The following CIB4 variants were observed in gnomAD, a reference collection of about 807,000 sequenced individuals.
The protein encoded by CIB4 is calcium and integrin-binding family member 4.
A neutral mutation model predicts 25.8 loss-of-function variants in CIB4; 25 were observed. The observed-to-expected ratio is 0.97, with a 90% confidence interval of 0.71 to 1.35. CIB4 has a LOEUF of 1.35. Among genes scored for constraint, CIB4 ranks in the 40% most tolerant of loss-of-function variants. CIB4 has a pLI of 0.00. For missense variants in CIB4, 235 were observed against 228.2 expected, an observed-to-expected ratio of 1.03 and a Z score of -0.19; for synonymous variants, 75 against 81.4, an observed-to-expected ratio of 0.92 and a Z score of 0.42.
intron 3 of CIB4, among the ~76,000 whole-genome samples, chr2:26,606,181 C>A (rs1368766623): frequency 2.6e-5 from 4 of 152,200 alleles, no homozygotes; most frequent in African/African-American, 9.7e-5. Context: ...GTCCTGGGGC[C>A]CCCCAAAATG....
intron 4 of CIB4, among the ~76,000 whole-genome samples, chr2:26,591,109 G>A (rs1475442915): frequency 6.6e-6 from 1 of 152,242 alleles, no homozygotes; most frequent in African/African-American, 2.4e-5. Context: ...GGAGGCAGAC[G>A]TCTTTTGTGG....
At chr2:26,583,749 C>T (rs758447437) in intron 5 of CIB4, 40 bp downstream of exon 5, 2 of 1,372,534 alleles carry the variant, frequency 1.5e-6, no homozygotes, top group Non-Finnish European at 2.1e-6. Context: ...TGGCCCCTAT[C>T]CCCGGCCCCA....
chr2:26,605,763 G>T (rs1331224296), intron 3 of CIB4, among the ~76,000 whole-genome samples: 1 of 152,018 alleles, frequency 6.6e-6, no homozygotes, highest in Non-Finnish European at 1.5e-5. Flanking sequence ...GCAAATGCAG[G>T]GTCGATATTA....
intron 2 of CIB4, among the ~76,000 whole-genome samples, chr2:26,630,022 G>A (rs1182156801): frequency 2.6e-5 from 4 of 152,210 alleles, no homozygotes; most frequent in Non-Finnish European, 5.9e-5. Flanking sequence ...CAAACCACCA[G>A]CCTTGCTAGG....
chr2:26,634,981 T>A, intron 2 of CIB4, among the ~76,000 whole-genome samples: 1 of 152,246 alleles, frequency 6.6e-6, no homozygotes. Flanking sequence ...AGGCTGTGCC[T>A]TGCCCAGGAA....
chr2:26,641,098 T>A (rs936907438), intron 1 of CIB4, among the ~76,000 whole-genome samples, 163 bp downstream of exon 1: 1 of 152,132 alleles, frequency 6.6e-6, no homozygotes, highest in African/African-American at 2.4e-5. Flanking sequence ...TTAGTGTTAG[T>A]GTATTTTATG....
chr2:26,587,175 T>G (rs1223373236), intron 4 of CIB4, among the ~76,000 whole-genome samples: 1 of 151,462 alleles, frequency 6.6e-6, no homozygotes, highest in Non-Finnish European at 1.5e-5. Flanking sequence ...GCGTAGTGGC[T>G]GGCGCCTGTA....
chr2:26,608,420 C>T (rs62129476), intron 3 of CIB4, among the ~76,000 whole-genome samples: 3,379 of 152,210 alleles, frequency 0.022, 48 homozygotes, highest in Non-Finnish European at 0.037. Context: ...AATTCAGATG[C>T]CTTAACCCTA....
chr2:26,634,445 A>G (rs990967070), intron 2 of CIB4, among the ~76,000 whole-genome samples: 1 of 152,226 alleles, frequency 6.6e-6, no homozygotes, highest in African/African-American at 2.4e-5. Context: ...TAATAATACC[A>G]TGATAGTAAC....
At chr2:26,613,164 C>T (rs905854939) in intron 3 of CIB4, among the ~76,000 whole-genome samples, 10 of 152,182 alleles carry the variant, frequency 6.6e-5, no homozygotes, top group African/African-American at 1.9e-4. Flanking sequence ...CCAGCTTATG[C>T]CTGGAGGCCT....
chr2:26,639,139 G>A, intron 2 of CIB4, among the ~76,000 whole-genome samples: 1 of 152,040 alleles, frequency 6.6e-6, no homozygotes, highest in East Asian at 1.9e-4. Flanking sequence ...AGGACTGGGA[G>A]GAGAGAATGG....
At chr2:26,585,752 T>C (rs911182276) in intron 4 of CIB4, among the ~76,000 whole-genome samples, 5 of 151,982 alleles carry the variant, frequency 3.3e-5, no homozygotes, top group African/African-American at 1.2e-4. Context: ...CAAATGTATG[T>C]CTCCACCCTG....
chr2:26,629,896 G>A (rs1669383493), intron 2 of CIB4, among the ~76,000 whole-genome samples: 1 of 152,128 alleles, frequency 6.6e-6, no homozygotes, highest in Non-Finnish European at 1.5e-5. Context: ...TAGGACCTTG[G>A]GGAAGCCAGG....
Position 26,595,965 on chromosome 2 carries a change from G to A in CIB4, c.187-648C>T, listed in dbSNP as rs146411364. On this transcript the variant is annotated intron_variant, in intron 3 of 6. Coordinates refer to ENST00000288861, the MANE Select transcript of CIB4 (RefSeq NM_001029881.3). ...TATAGAGACTGAAAACAGGACAGTT[G>A]ATGTGGTAGCTGCTGGTAGCACGAA... is the stretch of plus-strand genomic sequence containing the variant. 2.9e-4 allele frequency among the ~76,000 whole-genome samples: 44 copies of A among 152,216 alleles called. 1 individual carries two copies. The East Asian group carries it at 8.3e-3, about 29-fold the overall frequency.
chr2:26,611,957 T>G (rs1315612774), intron 3 of CIB4, among the ~76,000 whole-genome samples: 1 of 152,212 alleles, frequency 6.6e-6, no homozygotes, highest in Non-Finnish European at 1.5e-5. Context: ...AATGAAAATT[T>G]ATGTTAGGGT....
intron 4 of CIB4, among the ~76,000 whole-genome samples, chr2:26,591,629 C>T (rs1360790306): frequency 6.6e-6 from 1 of 152,228 alleles, no homozygotes; most frequent in African/African-American, 2.4e-5. Flanking sequence ...AATCCCCAAC[C>T]CCCTTGAGTG....
chr2:26,629,415 G>T lies in CIB4; in HGVS notation c.181C>A (p.Leu61Met). The T allele has an allele frequency of 6.4e-7, 1 of 1,574,400 alleles. No individual in the cohort carries two copies. Among genetic ancestry groups the T allele is most frequent in the South Asian group, 1.2e-5 (1 of 85,558 alleles). The change falls in exon 3 of 7, where the codon CTG becomes ATG. Residue 61 changes from leucine to methionine, a missense_variant. Transcript: ENST00000288861. ...TMDQVSSLPA[L>M]RVNPFRDRIC... ...ACCCACCATCCTGGACTCACCCGCA[G>T]AGCTGGCAGGGAGCTGACCTGGTCC... is the stretch of plus-strand genomic sequence containing the variant.
intron 3 of CIB4, among the ~76,000 whole-genome samples, chr2:26,606,205 C>G (rs1668887195): frequency 6.6e-6 from 1 of 152,202 alleles, no homozygotes. Flanking sequence ...CAGACGCTGC[C>G]ACTGCACTCC....
chr2:26,617,918 G>A (rs1050386115), intron 3 of CIB4, among the ~76,000 whole-genome samples: 3 of 152,232 alleles, frequency 2.0e-5, no homozygotes, highest in Admixed American at 6.5e-5. Flanking sequence ...AACAGGGAGT[G>A]TGGAACGGCC....
Sources: gnomAD v4.1 joint callset for allele counts (sites outside exome capture counted in the v4.1 genomes callset) on GRCh38, gnomAD v4.1.1 for gene constraint, MANE v1.5 for transcripts, NCBI Gene and HGNC (gene_info 2026-07-23, HGNC 2026-07-21) for gene names.